Variants in MAGI2 observed in about 807,000 individuals in gnomAD.
MAGI2 encodes the protein membrane-associated guanylate kinase, WW and PDZ domain-containing protein 2.
Under a neutral mutation model 133.3 loss-of-function variants are expected in MAGI2, and 35 were observed. The ratio of observed to expected loss-of-function variants is 0.26; its 90% CI spans 0.20 to 0.35. The LOEUF (loss-of-function observed/expected upper bound fraction) is 0.35. Among genes scored for constraint, MAGI2 ranks in the 10% least tolerant of loss-of-function variants. The probability of loss-of-function intolerance (pLI) is 1.00; values close to 1 mark genes in which losing one functional copy is unlikely to be tolerated. For synonymous variants in MAGI2, 729 were observed against 710.6 expected, an observed-to-expected ratio of 1.03 and a Z score of -0.41; for missense variants, 1,636 against 1,863.4, an observed-to-expected ratio of 0.88 and a Z score of 2.25.
At chr7:79,125,323 G>T (rs952662063) in intron 1 of MAGI2, 2 of 463,470 alleles carry the variant, frequency 4.3e-6, no homozygotes, top group African/African-American at 4.0e-5. Context: ...AGGTTGGCAT[G>T]GTTCTGGAAA....
intron 12 of MAGI2, 84 bp downstream of exon 12, chr7:78,194,790 G>T: frequency 1.7e-6 from 2 of 1,166,104 alleles, no homozygotes; most frequent in Non-Finnish European, 2.4e-6. Context: ...ATAAAACCAT[G>T]CCAGATCATT....
At chr7:78,238,630 C>A (rs1195663832) in intron 10 of MAGI2, among the ~76,000 whole-genome samples, 2 of 152,074 alleles carry the variant, frequency 1.3e-5, no homozygotes, top group Non-Finnish European at 2.9e-5. Flanking sequence ...ATTTACAATC[C>A]ATTTCTTACC....
chr7:78,737,279 G>T (rs922314958), intron 2 of MAGI2, among the ~76,000 whole-genome samples: 1 of 152,174 alleles, frequency 6.6e-6, no homozygotes, highest in Admixed American at 6.5e-5. Context: ...ACATTAGAAA[G>T]ATTGGCATAA....
rs543424652 is a variant in MAGI2, at chr7:79,229,470, C to T, written c.302-222264G>A. Among the ~76,000 whole-genome samples the T allele has an allele frequency of 2.0e-5, 3 of 152,258 alleles. No homozygotes were observed. In the East Asian group the frequency reaches 5.8e-4, roughly 29 times the overall value. The stretch of plus-strand genomic sequence containing the variant: ...TGAGTCAAACACATTTTCAGATTGG[C>T]TTCAGCTACTGACTGATACATTAAA... On this transcript the variant is annotated intron_variant, in intron 1 of 21. Coordinates refer to ENST00000354212, the MANE Select transcript of MAGI2 (RefSeq NM_012301.4).
chr7:78,414,768 G>C (rs112699152), intron 6 of MAGI2, among the ~76,000 whole-genome samples: 1,797 of 152,044 alleles, frequency 0.012, 38 homozygotes, highest in African/African-American at 0.041. Flanking sequence ...TGGTGAAAAA[G>C]TGACTTCAGA....
At chr7:78,726,295 T>C (rs901741151) in intron 2 of MAGI2, among the ~76,000 whole-genome samples, 1 of 152,194 alleles carries the variant, frequency 6.6e-6, no homozygotes, top group African/African-American at 2.4e-5. Context: ...TTTGTAAAAC[T>C]AAATGTTATC....
chr7:79,044,240 G>A (rs1441034876), intron 1 of MAGI2, among the ~76,000 whole-genome samples: 1 of 152,150 alleles, frequency 6.6e-6, no homozygotes, highest in Non-Finnish European at 1.5e-5. Context: ...CCATGATCAA[G>A]TGGGCTTCAT....
intron 1 of MAGI2, among the ~76,000 whole-genome samples, chr7:79,031,966 G>A (rs1810622795): frequency 6.6e-6 from 1 of 151,916 alleles, no homozygotes; most frequent in South Asian, 2.1e-4. Context: ...AAACTATAGA[G>A]AACATAAACT....
chr7:78,350,781 C>T (rs1324500845), intron 7 of MAGI2, among the ~76,000 whole-genome samples: 3 of 152,116 alleles, frequency 2.0e-5, no homozygotes, highest in Non-Finnish European at 2.9e-5. Context: ...AAATACTGAG[C>T]CCATCAGTAT....
At chr7:78,036,856 C>A (rs10239735) in intron 21 of MAGI2, among the ~76,000 whole-genome samples, 1,631 of 152,270 alleles carry the variant, frequency 0.011, 18 homozygotes, top group African/African-American at 0.031. Context: ...TCAAGCAATC[C>A]ACCCTCTTTG....
chr7:78,988,841 T>C (rs184197384), intron 2 of MAGI2, among the ~76,000 whole-genome samples: 7 of 151,858 alleles, frequency 4.6e-5, no homozygotes, highest in East Asian at 3.9e-4. Context: ...AACCAAGATA[T>C]GGGGAAGGAT....
Position 78,127,323 on chromosome 7 carries a change from C to G in MAGI2, c.3297G>C (p.Arg1099Ser), listed in dbSNP as rs759084358. The change falls in exon 19 of 22, where the codon AGG (arginine) becomes AGC (serine). Residue 1099 changes from arginine (R) to serine (S), a missense_variant. By Grantham distance (110) the Arg-to-Ser change is moderately radical. Transcript: ENST00000354212. ...GCTGGTAGTCCCCTCCTGGGGGTTGCCTGTAATCCAGCGGGGGCTGCCTGT... is the reference window on the plus strand; with the variant it reads ...GCTGGTAGTCCCCTCCTGGGGGTTGGCTGTAATCCAGCGGGGGCTGCCTGT... ...TDYRQPPLDYRQPPGGDYQQP... is the reference protein window; with the variant it reads ...TDYRQPPLDYSQPPGGDYQQP... The G allele has an allele frequency of 6.2e-7, 1 of 1,611,872 alleles. No homozygotes were observed.
intron 1 of MAGI2, among the ~76,000 whole-genome samples, chr7:79,372,808 G>T (rs1005510312): frequency 2.0e-5 from 3 of 151,956 alleles, no homozygotes; most frequent in Non-Finnish European, 4.4e-5. Flanking sequence ...AAAGAAAATA[G>T]AATAGCCTTT....
intron 1 of MAGI2, among the ~76,000 whole-genome samples, chr7:79,333,633 C>CT (rs1175309903): frequency 2.0e-5 from 3 of 152,048 alleles, no homozygotes; most frequent in African/African-American, 7.2e-5. Context: ...ACTACCTTTT[C>CT]TTTTTTAAAA....
At chr7:78,619,157 G>A (rs144231958) in intron 3 of MAGI2, among the ~76,000 whole-genome samples, 20 of 151,416 alleles carry the variant, frequency 1.3e-4, no homozygotes, top group African/African-American at 1.7e-4. Flanking sequence ...ATAAATATAC[G>A]CAATTATTAT....
chr7:78,672,901 C>G (rs1438704162), intron 2 of MAGI2, among the ~76,000 whole-genome samples: 1 of 152,164 alleles, frequency 6.6e-6, no homozygotes, highest in Non-Finnish European at 1.5e-5. Flanking sequence ...ACCAGAACCT[C>G]TGGAAACATC....
intron 2 of MAGI2, among the ~76,000 whole-genome samples, chr7:78,954,883 A>T (rs77813322): frequency 6.6e-6 from 1 of 152,060 alleles, no homozygotes; most frequent in Non-Finnish European, 1.5e-5. Flanking sequence ...GAATCAATAT[A>T]AAAAAAGAGG....
intron 2 of MAGI2, among the ~76,000 whole-genome samples, chr7:78,867,921 G>A (rs891138173): frequency 6.6e-5 from 10 of 151,838 alleles, no homozygotes; most frequent in African/African-American, 1.9e-4. Context: ...TGGCTTTCAT[G>A]GGGAAAAAGG....
At chr7:79,006,819 GAAT>G (rs1157019304) in intron 2 of MAGI2, 1 of 313,356 alleles carries the variant, frequency 3.2e-6, no homozygotes, top group Non-Finnish European at 5.8e-6. Context: ...GTCTGGACTA[GAAT>G]CAATATTTCT....
Sources: gnomAD v4.1 joint callset for allele counts (sites outside exome capture counted in the v4.1 genomes callset) on GRCh38, gnomAD v4.1.1 for gene constraint, MANE v1.5 for transcripts, NCBI Gene and HGNC (gene_info 2026-07-23, HGNC 2026-07-21) for gene names.